SLC25A28: variants seen among roughly 807,000 people sequenced by gnomAD.
The protein encoded by SLC25A28 is mitoferrin-2.
Under a neutral mutation model 31.9 loss-of-function variants are expected in SLC25A28, and 10 were observed. The ratio of observed to expected loss-of-function variants is 0.31; its 90% CI spans 0.19 to 0.53. The LOEUF (loss-of-function observed/expected upper bound fraction) is 0.53, where lower values mean the gene tolerates loss of function less well. Among genes scored for constraint, SLC25A28 ranks in the 20% least tolerant of loss-of-function variants. The pLI is 0.95. For missense variants in SLC25A28, 256 were observed against 490.3 expected (o/e 0.52, Z 4.51); for synonymous variants, 208 against 203.6 (o/e 1.02, Z -0.19).
upstream of SLC25A28, among the ~76,000 whole-genome samples, chr10:99,624,321 C>G (rs192761603): frequency 4.3e-3 from 658 of 151,658 alleles, 3 homozygotes; most frequent in Non-Finnish European, 6.6e-3. Flanking sequence ...TCTTAGAACT[C>G]CTAGGCTCAA....
At chr10:99,634,666 A>G in the SLC25A28 span, among the ~76,000 whole-genome samples, 2 of 152,220 alleles carry the variant, frequency 1.3e-5, no homozygotes, top group African/African-American at 2.4e-5. Context: ...CCAAACTAAG[A>G]ACAATCAGTG....
chr10:99,613,465 G>C lies in SLC25A28; in HGVS notation c.520+231C>G. On this transcript the variant is annotated intron_variant, in intron 2 of 3. Coordinates refer to ENST00000370495, the MANE Select transcript of SLC25A28 (RefSeq NM_031212.4). This position sits in a 1 kb window ranked among gnomAD's most constrained non-coding sequence, Gnocchi z 4.9. ...GGAGATGAGAGGAACAAGTCAAGCT[G>C]GTAGGTAAGGGAGGATACTGTAACC... 7.1e-7 allele frequency: 1 copy of C among 1,402,124 alleles called. No homozygotes were observed. Among genetic ancestry groups the C allele is most frequent in the Non-Finnish European group, 9.3e-7 (1 of 1,079,678 alleles). 86.9% of individuals were successfully genotyped at this position (1,402,124 alleles called of 1,614,324 possible). A position where few individuals can be genotyped will look rare whatever the true frequency, so the allele number is the denominator to read the frequency against.
chr10:99,655,740 C>T, the SLC25A28 span, among the ~76,000 whole-genome samples: 2 of 152,142 alleles, frequency 1.3e-5, no homozygotes, highest in African/African-American at 4.8e-5. Flanking sequence ...AAAATTGTAC[C>T]ATATGCCCAT....
chr10:99,611,044 G>T lies in SLC25A28; in HGVS notation c.900C>A (p.His300Gln), dbSNP rs1565017839. 1.2e-6 allele frequency: 2 copies of T among 1,614,196 alleles called. No individual in the cohort carries two copies. The highest frequency in any genetic ancestry group is 1.7e-6 in the Non-Finnish European group (2 of 1,180,020). Residue 300 changes from histidine to glutamine, a missense_variant, in exon 4 of 4, where the codon CAC becomes CAA. Physicochemically the swap from His to Gln is conservative, Grantham distance 24. Coordinates refer to ENST00000370495, the MANE Select transcript of SLC25A28 (RefSeq NM_031212.4). This position sits in a 1 kb window ranked among gnomAD's most constrained non-coding sequence, Gnocchi z 5.5. ...NTQESLALNS[H>Q]ITGHITGMAS... Reference sequence around the variant, plus strand: ...CCATGCCTGTGATATGTCCTGTAATGTGTGAGTTCAAAGCCAAGGACTCCT... The same window carrying T: ...CCATGCCTGTGATATGTCCTGTAATTTGTGAGTTCAAAGCCAAGGACTCCT...
At chr10:99,618,030 A>G (rs2034699172) in intron 1 of SLC25A28, among the ~76,000 whole-genome samples, 3 of 152,252 alleles carry the variant, frequency 2.0e-5, no homozygotes, top group South Asian at 4.1e-4. Context: ...GTCCCACCTT[A>G]TTTTGATGCC....
rs1049939495 is a variant in SLC25A28 at position 99,611,817 on chromosome 10, G to C, written c.578-451C>G. Among the ~76,000 whole-genome samples, 1 of 152,140 alleles carries C rather than the reference G, an allele frequency of 6.6e-6. No individual in the cohort carries two copies. The highest frequency in any genetic ancestry group is 2.4e-5 in the African/African-American group (1 of 41,438). Reference sequence around the variant, plus strand: ...AAAATGTGAGATGGTGATCCTCCTAGAGGGGAGGAGACAGAAGTTCTACCA... The same window carrying C: ...AAAATGTGAGATGGTGATCCTCCTACAGGGGAGGAGACAGAAGTTCTACCA... On this transcript the variant is annotated intron_variant, in intron 3 of 3. Transcript: ENST00000370495. This position sits in a 1 kb window ranked among gnomAD's most constrained non-coding sequence, Gnocchi z 5.5.
upstream of SLC25A28, chr10:99,620,902 C>G: frequency 1.0e-6 from 1 of 985,380 alleles, no homozygotes; most frequent in Non-Finnish European, 1.2e-6. Flanking sequence ...GGCGGGGCGG[C>G]GACAGGCCTT....
At chr10:99,616,421 G>C (rs1385212345) in intron 1 of SLC25A28, 2 of 952,884 alleles carry the variant, frequency 2.1e-6, no homozygotes, top group Non-Finnish European at 2.5e-6. Flanking sequence ...TAAGATGCTA[G>C]AAATACAAAG....
the SLC25A28 span, among the ~76,000 whole-genome samples, chr10:99,649,361 TG>T: frequency 6.6e-6 from 1 of 152,240 alleles, no homozygotes; most frequent in African/African-American, 2.4e-5. Context: ...GCTAATATTT[TG>T]TTAAGGATTT....
chr10:99,631,514 G>C, the SLC25A28 span, among the ~76,000 whole-genome samples: 1 of 151,988 alleles, frequency 6.6e-6, no homozygotes, highest in South Asian at 2.1e-4. Context: ...TGACTTCAGA[G>C]TGTAAACTCT....
the SLC25A28 span, among the ~76,000 whole-genome samples, chr10:99,650,331 C>T: frequency 0.015 from 2,217 of 152,190 alleles, 61 homozygotes; most frequent in African/African-American, 0.05. Context: ...GTGCACATCA[C>T]GATGCCCAGC....
the SLC25A28 span, among the ~76,000 whole-genome samples, chr10:99,645,754 T>C: frequency 7.1e-6 from 1 of 141,364 alleles, no homozygotes; most frequent in African/African-American, 2.5e-5. Flanking sequence ...GGATGTCCTT[T>C]CTGTTTGTTA....
chr10:99,622,787 T>C (rs908418564), upstream of SLC25A28: 1 of 733,252 alleles, frequency 1.4e-6, no homozygotes, highest in Non-Finnish European at 1.7e-6. Flanking sequence ...CCAAACCAGT[T>C]GTCCTCATTG....
At chr10:99,652,494 C>T in the SLC25A28 span, among the ~76,000 whole-genome samples, 4 of 152,132 alleles carry the variant, frequency 2.6e-5, no homozygotes, top group Admixed American at 6.5e-5. Flanking sequence ...GTGCCCACTC[C>T]TGAAACAGTA....
the SLC25A28 span, among the ~76,000 whole-genome samples, chr10:99,655,304 A>C: frequency 6.6e-6 from 1 of 152,182 alleles, no homozygotes; most frequent in Non-Finnish European, 1.5e-5. Context: ...GGACAAAGCA[A>C]GACCCCTTCT....
At chr10:99,656,834 T>C in the SLC25A28 span, among the ~76,000 whole-genome samples, 4 of 152,194 alleles carry the variant, frequency 2.6e-5, no homozygotes, top group African/African-American at 9.7e-5. Context: ...TTACAGCAAA[T>C]GAAATAGAGA....
the SLC25A28 span, among the ~76,000 whole-genome samples, chr10:99,657,243 A>AT: frequency 6.6e-6 from 1 of 152,234 alleles, no homozygotes; most frequent in Non-Finnish European, 1.5e-5. Flanking sequence ...TTTGAAATAT[A>AT]TATGTATAGA....
upstream of SLC25A28, chr10:99,622,527 C>T (rs566732726): frequency 4.7e-5 from 22 of 471,416 alleles, no homozygotes; most frequent in South Asian, 1.7e-3. Flanking sequence ...AAGCTCTTTA[C>T]ATTTTTCACT....
chr10:99,631,067 G>C, the SLC25A28 span, among the ~76,000 whole-genome samples: 1 of 152,118 alleles, frequency 6.6e-6, no homozygotes. Context: ...TGTGGTCACA[G>C]GACAAGAACA....
Sources: gnomAD v4.1 joint callset for allele counts (sites outside exome capture counted in the v4.1 genomes callset) on GRCh38, gnomAD v4.1.1 for gene constraint, Gnocchi (gnomAD v3.1) non-coding constraint, MANE v1.5 for transcripts, NCBI Gene and HGNC (gene_info 2026-07-23, HGNC 2026-07-21) for gene names.